Variants in LMF1 observed in about 807,000 individuals in gnomAD.
LMF1 encodes the protein transmembrane protein 112.
Under a neutral mutation model 60.6 loss-of-function variants are expected in LMF1, and 68 were observed. The ratio of observed to expected loss-of-function variants is 1.12; its 90% CI spans 0.92 to 1.37. LMF1 has a LOEUF of 1.37. Ranked by LOEUF, LMF1 falls within the 40% of genes most tolerant of loss-of-function variation. LMF1 has a pLI of 0.00. For missense variants in LMF1, 948 were observed against 767.2 expected, an observed-to-expected ratio of 1.24 and a Z score of -2.78; for synonymous variants, 418 against 324.7, an observed-to-expected ratio of 1.29 and a Z score of -3.09.
intron 10 of LMF1, among the ~76,000 whole-genome samples, chr16:864,696 C>T (rs1287267835): frequency 1.4e-5 from 2 of 144,712 alleles, no homozygotes; most frequent in Non-Finnish European, 3.0e-5. Flanking sequence ...GGTCTTGTGT[C>T]GCACAGGCTG....
In LMF1 at chr16:925,148, C is replaced by T. The variant is rs150343750; in HGVS notation, c.514+9096G>A. On this transcript the variant is annotated intron_variant, in intron 3 of 10. Coordinates refer to ENST00000262301, the MANE Select transcript of LMF1 (RefSeq NM_022773.4). ...ACAGGAAGCCCCTTGCTCACTGTCA[C>T]TGTCACTAATCCACTAGGAATGAAG... Among the ~76,000 whole-genome samples the T allele has an allele frequency of 4.9e-3, 754 of 152,364 alleles. 6 individuals carry two copies. Among genetic ancestry groups the T allele is most frequent in the Admixed American group, 0.025 (381 of 15,308 alleles).
intron 7 of LMF1, 31 bp downstream of exon 7, chr16:871,130 T>G (rs1393562427): frequency 6.5e-7 from 1 of 1,532,234 alleles, no homozygotes; most frequent in South Asian, 1.3e-5. Context: ...TCTCCTGCCC[T>G]TGGGCAGGGG....
Position 962,375 on chromosome 16 carries a change from T to C in LMF1, c.194-7709A>G, listed in dbSNP as rs927694625. On this transcript the variant is annotated intron_variant, in intron 1 of 10. Transcript: ENST00000262301. This position sits in a 1 kb window ranked among gnomAD's most constrained non-coding sequence, Gnocchi z 4.5. ...TTCCTCACAGAGGAATTCCACATAA[T>C]GTCCGCAGACACTCCCTTCAGGAGG... Among the ~76,000 whole-genome samples, 1 of 152,214 alleles carries C rather than the reference T, an allele frequency of 6.6e-6. No homozygotes were observed. The highest frequency in any genetic ancestry group is 1.5e-5 in the Non-Finnish European group (1 of 68,042).
chr16:941,236 A>AT (rs535526108), intron 2 of LMF1, among the ~76,000 whole-genome samples: 9,860 of 148,318 alleles, frequency 0.066, 320 homozygotes, highest in Non-Finnish European at 0.075. Flanking sequence ...TTTTAAATTG[A>AT]TTTTTTTTTT....
chr16:963,820 G>A (rs769090683), intron 1 of LMF1, among the ~76,000 whole-genome samples: 1 of 150,498 alleles, frequency 6.6e-6, no homozygotes, highest in East Asian at 1.9e-4. Context: ...CAGGAAAAAG[G>A]AAGACAGACT....
intron 5 of LMF1, among the ~76,000 whole-genome samples, chr16:880,838 G>T (rs1275329485): frequency 1.3e-5 from 2 of 152,260 alleles, no homozygotes; most frequent in Non-Finnish European, 2.9e-5. Flanking sequence ...AGCCCAGGGT[G>T]GTGGTGGGAA....
intron 6 of LMF1, 78 bp from the exon 7 acceptor site, chr16:871,419 G>T: frequency 2.1e-6 from 3 of 1,441,088 alleles, no homozygotes; most frequent in Non-Finnish European, 1.9e-6. Flanking sequence ...TCTTCCTGGA[G>T]CAGGGAGGGG....
At chr16:909,612 C>T (rs1173165821) in intron 4 of LMF1, among the ~76,000 whole-genome samples, 1 of 152,266 alleles carries the variant, frequency 6.6e-6, no homozygotes, top group East Asian at 1.9e-4. Context: ...CTACACGCTA[C>T]ACCGAGCCAC....
At chr16:865,895 A>C (rs1208253234) in intron 10 of LMF1, among the ~76,000 whole-genome samples, 2 of 152,108 alleles carry the variant, frequency 1.3e-5, no homozygotes, top group East Asian at 3.9e-4. Context: ...AAGTTTATTG[A>C]TTCTTTCCTC....
chr16:928,688 C>T (rs1012332654), intron 3 of LMF1, among the ~76,000 whole-genome samples: 4 of 151,666 alleles, frequency 2.6e-5, no homozygotes, highest in African/African-American at 9.7e-5. Context: ...ATCCCCACGC[C>T]CCCACGAGCC....
At chr16:963,231 G>A (rs571114412) in intron 1 of LMF1, among the ~76,000 whole-genome samples, 30 of 152,104 alleles carry the variant, frequency 2.0e-4, no homozygotes, top group Admixed American at 1.9e-3. Flanking sequence ...CCACCACTGG[G>A]TGGAAGGGAC....
chr16:944,472 T>C (rs2072187977), intron 2 of LMF1, among the ~76,000 whole-genome samples: 2 of 152,232 alleles, frequency 1.3e-5, no homozygotes, highest in South Asian at 4.1e-4. Context: ...ACGCCTTGTG[T>C]TCTGCTGGGT....
rs1187360704 is a variant in LMF1, at chr16:878,145, C to T, written c.897+1425G>A. Among the ~76,000 whole-genome samples, 3 of 152,194 alleles carry T rather than the reference C, an allele frequency of 2.0e-5. No individual in the cohort carries two copies. The highest frequency in any genetic ancestry group is 4.2e-4 in the South Asian group (2 of 4,818). ...GCTATTCCAGGAGCCCCCAAACACG[C>T]GTGGGGTCCGGCTACATGGAACCGA... On this transcript the variant is annotated intron_variant, in intron 6 of 10. Coordinates refer to ENST00000262301, the MANE Select transcript of LMF1 (RefSeq NM_022773.4). The surrounding 1 kb of genome is among the most constrained non-coding windows in gnomAD (Gnocchi z 5.2).
At chr16:926,768 G>A (rs1213018595) in intron 3 of LMF1, among the ~76,000 whole-genome samples, 1 of 152,140 alleles carries the variant, frequency 6.6e-6, no homozygotes, top group Non-Finnish European at 1.5e-5. Flanking sequence ...TGTGCTGGCT[G>A]CATGCAGGAC....
chr16:892,637 G>A (rs1396577604), intron 5 of LMF1, among the ~76,000 whole-genome samples: 2 of 152,256 alleles, frequency 1.3e-5, no homozygotes, highest in Admixed American at 1.3e-4. Flanking sequence ...CAGGGGCTGG[G>A]CACGCAGCCA....
intron 4 of LMF1, among the ~76,000 whole-genome samples, chr16:894,472 C>T (rs117259158): frequency 0.031 from 4,677 of 151,886 alleles, 101 homozygotes; most frequent in Middle Eastern, 0.071. Context: ...GTCCACCCGA[C>T]TTCTACCTGG....
At chr16:956,562 G>A (rs2072709076) in intron 1 of LMF1, among the ~76,000 whole-genome samples, 1 of 152,200 alleles carries the variant, frequency 6.6e-6, no homozygotes, top group Non-Finnish European at 1.5e-5. Context: ...TAGATTTAAG[G>A]GCTGGGCAGG....
At chr16:920,221 G>A (rs911385120) in intron 3 of LMF1, among the ~76,000 whole-genome samples, 3 of 149,666 alleles carry the variant, frequency 2.0e-5, no homozygotes, top group African/African-American at 7.4e-5. Context: ...CTCGGCCCCC[G>A]ACACGACATC....
At chr16:860,562 A>T (rs2069431439) in intron 10 of LMF1, among the ~76,000 whole-genome samples, 1 of 152,018 alleles carries the variant, frequency 6.6e-6, no homozygotes, top group African/African-American at 2.4e-5. Context: ...GCTGGTCTCA[A>T]ACTCCTGAGG....
Sources: gnomAD v4.1 joint callset for allele counts (sites outside exome capture counted in the v4.1 genomes callset) on GRCh38, gnomAD v4.1.1 for gene constraint, Gnocchi (gnomAD v3.1) non-coding constraint, MANE v1.5 for transcripts, NCBI Gene and HGNC (gene_info 2026-07-23, HGNC 2026-07-21) for gene names.